The following FLT1 variants were observed in gnomAD, a reference collection of about 807,000 sequenced individuals.
FLT1 encodes the protein fms related receptor tyrosine kinase 1.
A neutral mutation model predicts 156.3 loss-of-function variants in FLT1; 49 were observed. That is an observed-to-expected ratio of 0.31 (90% CI 0.25 to 0.40). The LOEUF (loss-of-function observed/expected upper bound fraction) is 0.40. Ranked by LOEUF, FLT1 falls within the 10% of genes least tolerant of loss-of-function variation. The pLI, the probability that FLT1 is intolerant of heterozygous loss-of-function variation, is 1.00. For synonymous variants in FLT1, 594 were observed against 583.8 expected, an observed-to-expected ratio of 1.02 and a Z score of -0.25; for missense variants, 1,322 against 1,637.2, an observed-to-expected ratio of 0.81 and a Z score of 3.32.
intron 4 of FLT1, among the ~76,000 whole-genome samples, chr13:28,437,257 C>G (rs1343538176): frequency 6.6e-6 from 1 of 152,134 alleles, no homozygotes; most frequent in Non-Finnish European, 1.5e-5. Flanking sequence ...TGTTGAAGGC[C>G]TACGTGAGTA....
intron 15 of FLT1, 80 bp from the exon 16 acceptor site, chr13:28,345,631 C>G: frequency 1.1e-6 from 1 of 872,168 alleles, no homozygotes; most frequent in Non-Finnish European, 1.9e-6. Flanking sequence ...ATAAAAGAGG[C>G]TCAGTTTCCC....
chr13:28,373,439 T>C (rs1032773402), intron 14 of FLT1, among the ~76,000 whole-genome samples: 2 of 151,994 alleles, frequency 1.3e-5, no homozygotes, highest in Admixed American at 6.6e-5. Context: ...TATCTGAGAG[T>C]ATATTTGTTT....
chr13:28,456,005 T>C (rs1879240938), intron 3 of FLT1, among the ~76,000 whole-genome samples: 1 of 152,228 alleles, frequency 6.6e-6, no homozygotes, highest in African/African-American at 2.4e-5. Flanking sequence ...ATAGGAATTG[T>C]CATTTGCTGC....
At chr13:28,387,573 T>C (rs1360981734) in intron 13 of FLT1, 2 of 1,064,272 alleles carry the variant, frequency 1.9e-6, no homozygotes, top group Non-Finnish European at 2.3e-6. Flanking sequence ...TTCAGTGTTA[T>C]GGCCCCAGAG....
At position 28,301,641 on chromosome 13, in the gene FLT1, G is replaced by A. The variant is rs377153576; in HGVS notation, c.*1526C>T. The stretch of plus-strand genomic sequence containing the variant: ...TCCAGCTTCTGACTGGCTGCAGAAG[G>A]TGCAGACATCATAAATACATAGACC... On this transcript the variant is annotated 3_prime_UTR_variant, in exon 30 of 30. Transcript: ENST00000282397. 8.6e-6 allele frequency: 2 copies of A among 233,156 alleles called. No individual in the cohort carries two copies. The highest frequency in any genetic ancestry group is 1.7e-5 in the Non-Finnish European group (2 of 117,836). The allele number at this position is 233,156 out of a possible 1,614,324, so 14.4% of individuals were successfully genotyped here. A position where few individuals can be genotyped will look rare whatever the true frequency, so the allele number is the denominator to read the frequency against.
rs1228780132 is a variant in FLT1, at chr13:28,438,099, GA to G, written c.513+121del. ...TCCTTATAGTAAAAGGATGTTACAG[GA>G]AAGTCCACTGAGAAGCCCAGGTGTT... On this transcript the variant is annotated intron_variant, in intron 4 of 29. Transcript: ENST00000282397. The G allele has an allele frequency of 4.4e-6, 4 of 902,770 alleles. No homozygotes were observed. In the African/African-American group the frequency reaches 6.6e-5, roughly 15 times the overall value. The allele number at this position is 902,770 out of a possible 1,614,324, so 55.9% of individuals were successfully genotyped here.
intron 17 of FLT1, among the ~76,000 whole-genome samples, chr13:28,338,245 G>C (rs1357423017): frequency 6.6e-6 from 1 of 151,978 alleles, no homozygotes. Flanking sequence ...GGAGAGGGAC[G>C]ATACTGTTGA....
chr13:28,466,046 G>A (rs1379812823), intron 3 of FLT1, among the ~76,000 whole-genome samples: 1 of 151,952 alleles, frequency 6.6e-6, no homozygotes, highest in Non-Finnish European at 1.5e-5. Context: ...ATTGCTTTGT[G>A]TTCTCTACAG....
intron 7 of FLT1, among the ~76,000 whole-genome samples, chr13:28,430,902 AG>A (rs1877639328): frequency 6.6e-6 from 1 of 152,232 alleles, no homozygotes; most frequent in Non-Finnish European, 1.5e-5. Flanking sequence ...CCGAATTATT[AG>A]CCATAATAAG....
At chr13:28,405,934 A>T (rs2137493217) in intron 10 of FLT1, 40 bp from the exon 11 acceptor site, 2 of 1,049,648 alleles carry the variant, frequency 1.9e-6, no homozygotes, top group East Asian at 2.4e-5. Context: ...GCTTTACAGC[A>T]TGGTTCAGTC....
intron 3 of FLT1, among the ~76,000 whole-genome samples, chr13:28,464,848 G>C: frequency 6.6e-6 from 1 of 152,204 alleles, no homozygotes; most frequent in East Asian, 1.9e-4. Flanking sequence ...TAGAAAAAAA[G>C]AGATGGTTTT....
intron 1 of FLT1, among the ~76,000 whole-genome samples, chr13:28,482,701 C>A (rs1880931294): frequency 6.6e-6 from 1 of 152,114 alleles, no homozygotes; most frequent in Admixed American, 6.5e-5. Context: ...AACTTTATTT[C>A]TACAGTTTAG....
chr13:28,408,889 C>A lies in FLT1; in HGVS notation c.1437-2995G>T, dbSNP rs371976917. 1.1e-4 allele frequency among the ~76,000 whole-genome samples: 16 copies of A among 151,044 alleles called. No individual in the cohort carries two copies. The East Asian group carries it at 3.1e-3, about 29-fold the overall frequency. ...ACAATGGCAGGGAGGTATTTATAAC[C>A]CCTGAAAGGAAAAAAAAAATTATGG... On this transcript the variant is annotated intron_variant, in intron 10 of 29. Coordinates refer to ENST00000282397, the MANE Select transcript of FLT1 (RefSeq NM_002019.4).
intron 23 of FLT1, among the ~76,000 whole-genome samples, chr13:28,320,362 T>A (rs936202715): frequency 1.3e-5 from 2 of 152,200 alleles, no homozygotes; most frequent in African/African-American, 2.4e-5. Flanking sequence ...GTTTTCCTTC[T>A]ATACAACAGA....
At chr13:28,357,436 A>C (rs1213467817) in intron 15 of FLT1, 118 bp downstream of exon 15, 1 of 1,006,300 alleles carries the variant, frequency 9.9e-7, no homozygotes, top group Non-Finnish European at 1.6e-6. Flanking sequence ...GGGGAGAAGG[A>C]GGTCAGGGAA....
At chr13:28,449,275 A>G (rs1172490399) in intron 3 of FLT1, among the ~76,000 whole-genome samples, 1 of 151,672 alleles carries the variant, frequency 6.6e-6, no homozygotes, top group Non-Finnish European at 1.5e-5. Context: ...TGTCTCTAAG[A>G]AAAAAAAATG....
In FLT1 at chr13:28,300,759, TC is replaced by T. The variant is rs1870482760; in HGVS notation, c.*2407del. 2 of 233,258 alleles carry T rather than the reference TC, an allele frequency of 8.6e-6. No homozygotes were observed. The highest frequency in any genetic ancestry group is 1.7e-5 in the Non-Finnish European group (2 of 118,044). The allele number at this position is 233,258 out of a possible 1,614,324, so 14.4% of individuals were successfully genotyped here. ...TTCAGCCCCATTCCACCCAGACTGT[TC>T]CACGTACATTATCTCAGAAACTCTG... On this transcript the variant is annotated 3_prime_UTR_variant, in exon 30 of 30. Coordinates refer to ENST00000282397, the MANE Select transcript of FLT1 (RefSeq NM_002019.4).
At chr13:28,451,192 G>C (rs930274148) in intron 3 of FLT1, among the ~76,000 whole-genome samples, 2 of 152,222 alleles carry the variant, frequency 1.3e-5, no homozygotes, top group African/African-American at 4.8e-5. Flanking sequence ...GGAGGCCGAG[G>C]TGGGAGGACT....
intron 13 of FLT1, chr13:28,386,700 A>G (rs766455226): frequency 2.9e-4 from 303 of 1,056,046 alleles, no homozygotes; most frequent in Non-Finnish European, 3.3e-4. Context: ...CTACTTGTAC[A>G]TGCTTGCTCA....
Sources: allele counts gnomAD v4.1 joint callset (sites outside exome capture counted in the v4.1 genomes callset), GRCh38; gene constraint gnomAD v4.1.1; transcripts MANE v1.5; gene names NCBI Gene and HGNC (gene_info 2026-07-23, HGNC 2026-07-21).